KRT9: variants seen among roughly 807,000 people sequenced by gnomAD.
KRT9 encodes the protein keratin, type I cytoskeletal 9.
A neutral mutation model predicts 51.4 loss-of-function variants in KRT9; 34 were observed. The observed-to-expected ratio is 0.66, with a 90% CI of 0.50 to 0.88. KRT9 has a LOEUF of 0.88. KRT9 is among the 40% of genes least tolerant of loss of function. The probability of loss-of-function intolerance (pLI) is 0.00; values close to 1 mark genes in which losing one functional copy is unlikely to be tolerated. For missense variants in KRT9, 753 were observed against 790.3 expected (o/e 0.95, Z 0.57); for synonymous variants, 292 against 289.7 (o/e 1.01, Z -0.08).
intron 1 of KRT9, 109 bp downstream of exon 1, chr17:41,571,242 G>C (rs2144571927): frequency 9.7e-7 from 1 of 1,030,914 alleles, no homozygotes; most frequent in South Asian, 1.3e-5. Flanking sequence ...TTTCCAAAAG[G>C]TGGATTCCCT....
intron 1 of KRT9, among the ~76,000 whole-genome samples, 175 bp from the exon 2 acceptor site, chr17:41,570,395 G>A (rs891628396): frequency 6.6e-6 from 1 of 152,236 alleles, no homozygotes; most frequent in Non-Finnish European, 1.5e-5. Context: ...CAGCGAAGAT[G>A]TTTGGTGTGG....
rs1275750179 is a variant in KRT9 at position 41,571,870 on chromosome 17, A to G, written c.123T>C (p.Gly41=). 1.3e-6 allele frequency: 2 copies of G among 1,592,076 alleles called. No individual in the cohort carries two copies. The highest frequency in any genetic ancestry group is 1.7e-6 in the Non-Finnish European group (2 of 1,168,264). The part of the protein sequence containing the change: ...SYSRFSSSGG[G]GGGGRFSSSS... The stretch of plus-strand genomic sequence containing the variant: ...AAGAGCTGAATCGGCCCCCTCCTCC[A>G]CCGCCCCCTGAGGAGCTGAAGCGGC... Residue 41 remains glycine, a synonymous_variant, in exon 1 of 8, where the codon GGT becomes GGC. Transcript: ENST00000246662.
At position 41,569,456 on chromosome 17, in the gene KRT9, T is replaced by A. The variant is rs753715101; in HGVS notation, c.1014A>T (p.Arg338Ser). ...TCTCATATTGATTCTCGATGTCCTT[T>A]CTGTTCTTAGCAATGAGCTGCTCAT... ...QEYEQLIAKNRKDIENQYETQ... is the reference protein window; with the variant it reads ...QEYEQLIAKNSKDIENQYETQ... Residue 338 changes from arginine to serine, a missense_variant, in exon 4 of 8, where the codon AGA becomes AGT. Arg to Ser is a moderately radical substitution (Grantham distance 110). Coordinates refer to ENST00000246662, the MANE Select transcript of KRT9 (RefSeq NM_000226.4). 3.3e-5 allele frequency: 54 copies of A among 1,614,098 alleles called. No individual in the cohort carries two copies. The East Asian group carries it at 1.2e-3, about 36-fold the overall frequency.
chr17:41,566,431 A>T (rs964812453), intron 7 of KRT9, among the ~76,000 whole-genome samples: 11 of 152,038 alleles, frequency 7.2e-5, no homozygotes, highest in African/African-American at 2.4e-4. Context: ...TTGTTAGTCA[A>T]TTTTTTGTAT....
chr17:41,568,679 T>C, intron 4 of KRT9, 46 bp from the exon 5 acceptor site: 2 of 1,613,490 alleles, frequency 1.2e-6, no homozygotes, highest in African/African-American at 1.3e-5. Flanking sequence ...GCCAGGAGCT[T>C]CAGTGAGTGA....
rs942434527 is a variant in KRT9 at position 41,571,936 on chromosome 17, C to T, written c.57G>A (p.Gly19=). ...TGCTGCCCCCGCTGCCCAGGCCGCCCCCGCCACCCCCGCCGCTGCGGCTCA... is the reference window on the plus strand; with the variant it reads ...TGCTGCCCCCGCTGCCCAGGCCGCCTCCGCCACCCCCGCCGCTGCGGCTCA... ...SYLSRSGGGG[G]GGLGSGGSIR... is the part of the protein sequence containing the mutation. Residue 19 remains glycine (G), a synonymous_variant, in exon 1 of 8, where the codon GGG becomes GGA. Coordinates refer to ENST00000246662, the MANE Select transcript of KRT9 (RefSeq NM_000226.4). 3.2e-6 allele frequency: 5 copies of T among 1,576,262 alleles called. No homozygotes were observed. Among genetic ancestry groups the T allele is most frequent in the South Asian group, 2.3e-5 (2 of 87,144 alleles).
At chr17:41,569,837 G>A (rs1406981220) in intron 3 of KRT9, 22 bp downstream of exon 3, 2 of 1,613,838 alleles carry the variant, frequency 1.2e-6, no homozygotes, top group Admixed American at 1.7e-5. Context: ...TTCCCGGTAA[G>A]CCATAAGCCC....
chr17:41,569,187 G>A (rs1428433050), intron 4 of KRT9, among the ~76,000 whole-genome samples: 1 of 152,222 alleles, frequency 6.6e-6, no homozygotes, highest in Non-Finnish European at 1.5e-5. Flanking sequence ...GCTCATATCA[G>A]ACATCAATAC....
Position 41,569,436 on chromosome 17 carries a change from T to A in KRT9, c.1034A>T (p.Tyr345Phe). Reference sequence around the variant, plus strand: ...GCCCACTCTGCTCACCTGAGTCTCATATTGATTCTCGATGTCCTTTCTGTT... The same window carrying A: ...GCCCACTCTGCTCACCTGAGTCTCAAATTGATTCTCGATGTCCTTTCTGTT... ...AKNRKDIENQ[Y>F]ETQITQIEHE... is the part of the protein sequence containing the mutation. The change falls in exon 4 of 8, where the codon TAT (tyrosine) becomes TTT (phenylalanine). Residue 345 changes from tyrosine (Y) to phenylalanine (F), a missense_variant. By Grantham distance (22) the Tyr-to-Phe change is conservative. Around this residue, in one of 3 missense-constraint regions of KRT9, gnomAD observed 507 missense variants for 563.7 expected, o/e 0.90. Coordinates refer to ENST00000246662, the MANE Select transcript of KRT9 (RefSeq NM_000226.4). 1 of 1,614,048 alleles carries A rather than the reference T, an allele frequency of 6.2e-7. No homozygotes were observed. Among genetic ancestry groups the A allele is most frequent in the Non-Finnish European group, 8.5e-7 (1 of 1,179,992 alleles).
intron 2 of KRT9, 22 bp downstream of exon 2, chr17:41,570,116 G>A (rs1207414286): frequency 1.2e-6 from 2 of 1,612,688 alleles, no homozygotes; most frequent in African/African-American, 2.7e-5. Context: ...TGACAGGAGA[G>A]GAGAAGAGGA....
chr17:41,566,447 G>A (rs1356689488), intron 7 of KRT9, among the ~76,000 whole-genome samples: 1 of 152,078 alleles, frequency 6.6e-6, no homozygotes, highest in Non-Finnish European at 1.5e-5. Context: ...TGTATATTGA[G>A]GCAAAAGATG....
Position 41,567,763 on chromosome 17 carries a change from G to A in KRT9, c.1395-13C>T, listed in dbSNP as rs187834511. The A allele has an allele frequency of 8.0e-4, 1,294 of 1,614,094 alleles. 10 individuals are homozygous for A. The African/African-American group carries it at 0.016, about 20-fold the overall frequency. On this transcript the variant is annotated splice_polypyrimidine_tract_variant and intron_variant, in intron 6 of 7. Coordinates refer to ENST00000246662, the MANE Select transcript of KRT9 (RefSeq NM_000226.4). ...TCCGGAGGATTCACTAAGAAAGAAA[G>A]AAAACAAGAGAGTTAAAATGAGCGG...
intron 4 of KRT9, among the ~76,000 whole-genome samples, chr17:41,569,177 G>C (rs1906985129): frequency 1.3e-5 from 2 of 152,164 alleles, no homozygotes. Flanking sequence ...GTCTTGTTTG[G>C]CTCATATCAG....
Position 41,569,896 on chromosome 17 carries a change from T to C in KRT9, c.845A>G (p.Gln282Arg), listed in dbSNP as rs770531745. Reference sequence around the variant, plus strand: ...CTTCTTGAGGGCCATCAGCTCCTCCTGCAGAGTCTCATACTGCATCTCCAG... The same window carrying C: ...CTTCTTGAGGGCCATCAGCTCCTCCCGCAGAGTCTCATACTGCATCTCCAG... ...SDLEMQYETL[Q>R]EELMALKKNH... Residue 282 changes from glutamine (Q) to arginine (R), a missense_variant, in exon 3 of 8, where the codon CAG becomes CGG. Physicochemically the swap from Gln to Arg is conservative, Grantham distance 43. Around this residue, in one of 3 missense-constraint regions of KRT9, gnomAD observed 507 missense variants for 563.7 expected, o/e 0.90. Coordinates refer to ENST00000246662, the MANE Select transcript of KRT9 (RefSeq NM_000226.4). 5 of 1,614,202 alleles carry C rather than the reference T, an allele frequency of 3.1e-6. No individual in the cohort carries two copies. The Admixed American group carries it at 8.3e-5, about 27-fold the overall frequency.
rs777438204 is a variant in KRT9, at chr17:41,567,230, TA to T, written c.*40+2del. ...CACCCCACAACCTAGGATTGTCCCT[TA>T]CCTTTTGTCTCATCTTGGTCACCAG... On this transcript the variant is annotated splice_donor_variant, in intron 7 of 7. Coordinates refer to ENST00000246662, the MANE Select transcript of KRT9 (RefSeq NM_000226.4). LOFTEE classifies it low-confidence loss of function (3UTR_SPLICE). 860 of 1,613,414 alleles carry T rather than the reference TA, an allele frequency of 5.3e-4. No individual in the cohort carries two copies. Among genetic ancestry groups the T allele is most frequent in the Non-Finnish European group, 6.7e-4 (789 of 1,179,932 alleles).
chr17:41,570,223 G>GAAA lies in KRT9; in HGVS notation c.643-6_643-4dup, dbSNP rs553337101. 1.5e-5 allele frequency: 24 copies of GAAA among 1,595,176 alleles called. No individual in the cohort carries two copies. The highest frequency in any genetic ancestry group is 3.3e-5 in the South Asian group (3 of 90,578). On this transcript the variant is annotated splice_region_variant and splice_polypyrimidine_tract_variant and intron_variant, in intron 1 of 7. Coordinates refer to ENST00000246662, the MANE Select transcript of KRT9 (RefSeq NM_000226.4). ...TTGCCCACTGTCAGGTCCACAATCT[G>GAAA]AAAAAAAAAGGACACAGCCATGATA...
chr17:41,567,437 C>T lies in KRT9; in HGVS notation c.1708G>A (p.Gly570Ser). Reference sequence around the variant, plus strand: ...GACCCACTTCCTCCACCATAGCCACCCCCACTTCCTCCTCCAGAGCCACTT... The same window carrying T: ...GACCCACTTCCTCCACCATAGCCACTCCCACTTCCTCCTCCAGAGCCACTT... Reference protein sequence around the residue: ...GGSGSGGGSGGGYGGGSGSRG... With the variant: ...GGSGSGGGSGSGYGGGSGSRG... Residue 570 changes from glycine to serine, a missense_variant, in exon 7 of 8, where the codon GGT becomes AGT. Physicochemically the swap from Gly to Ser is moderately conservative, Grantham distance 56 (BLOSUM62 0). This residue lies in a region of KRT9 where 507 missense variants were observed against 563.7 expected (regional missense o/e 0.90). Coordinates refer to ENST00000246662, the MANE Select transcript of KRT9 (RefSeq NM_000226.4). The T allele has an allele frequency of 6.4e-7, 1 of 1,558,434 alleles. No individual in the cohort carries two copies. Among genetic ancestry groups the T allele is most frequent in the South Asian group, 1.2e-5 (1 of 85,756 alleles).
rs1483142990 is a variant in KRT9 at position 41,571,432 on chromosome 17, A to G, written c.561T>C (p.Asp187=). 1 of 1,613,996 alleles carries G rather than the reference A, an allele frequency of 6.2e-7. No homozygotes were observed. The highest frequency in any genetic ancestry group is 1.3e-5 in the African/African-American group (1 of 74,968). The change falls in exon 1 of 8, where the codon GAT becomes GAC. Residue 187 remains aspartate (D), a synonymous_variant. Coordinates refer to ENST00000246662, the MANE Select transcript of KRT9 (RefSeq NM_000226.4). ...ANNDLENKIQ[D]WYDKKGPAAI... is the part of the protein sequence containing the mutation. ...CAGCAGGTCCCTTCTTGTCGTACCA[A>G]TCCTGGATCTTATTCTCCAGGTCGT...
At chr17:41,571,170 C>T (rs1195711103) in intron 1 of KRT9, among the ~76,000 whole-genome samples, 181 bp downstream of exon 1, 1 of 152,182 alleles carries the variant, frequency 6.6e-6, no homozygotes, top group Non-Finnish European at 1.5e-5. Flanking sequence ...GAGCACAGGC[C>T]AAAGTCCTAT....
Sources: allele counts gnomAD v4.1 joint callset (sites outside exome capture counted in the v4.1 genomes callset), GRCh38; gene constraint gnomAD v4.1.1; regional missense constraint gnomAD v4.1.1; transcripts MANE v1.5; gene names NCBI Gene and HGNC (gene_info 2026-07-23, HGNC 2026-07-21).